The following SNAPC3 variants were observed in gnomAD, a reference collection of about 807,000 sequenced individuals.
SNAPC3 encodes small nuclear RNA activating complex polypeptide 3.
In SNAPC3, 56 loss-of-function variants were observed where a neutral mutation model predicts 47.7. The observed-to-expected ratio is 1.18, with a 90% CI of 0.95 to 1.47. SNAPC3 has a LOEUF of 1.47. Among genes scored for constraint, SNAPC3 ranks in the 40% most tolerant of loss-of-function variants. The pLI is 0.00. For synonymous variants in SNAPC3, 235 were observed against 189.9 expected, an observed-to-expected ratio of 1.24 and a Z score of -1.95; for missense variants, 665 against 511.3, an observed-to-expected ratio of 1.30 and a Z score of -2.90.
At chr9:15,461,707 C>T (rs1685984095), downstream of SNAPC3, 1 of 152,142 alleles carries the variant, frequency 6.6e-6, no homozygotes, top group South Asian at 2.1e-4. Context: ...CTGACGAAAC[C>T]TATAAGCCTA....
Position 15,442,651 on chromosome 9 carries a change from A to G in SNAPC3, c.478-1951A>G, listed in dbSNP as rs928192759. ...AGACGCTCCTCACTTCCTAGACGAG[A>G]TGGCGGCCAGGAAGAGACGCTCCGC... is the stretch of plus-strand genomic sequence containing the variant. On this transcript the variant is annotated intron_variant, in intron 3 of 8. Transcript: ENST00000380821. Among the ~76,000 whole-genome samples the G allele has an allele frequency of 1.2e-3, 177 of 149,738 alleles. 2 individuals carry two copies. Among genetic ancestry groups the G allele is most frequent in the Non-Finnish European group, 2.7e-4 (18 of 67,606 alleles).
rs187868386 is a variant in SNAPC3, at chr9:15,456,101, C to T, written c.981-1859C>T. ...GTTGGTCAGGCTGGTCTCGAACTCC[C>T]GACCTCAGGTGATCCGCCCACCTCA... On this transcript the variant is annotated intron_variant, in intron 7 of 8. Coordinates refer to ENST00000380821, the MANE Select transcript of SNAPC3 (RefSeq NM_001039697.2). Among the ~76,000 whole-genome samples the T allele has an allele frequency of 3.0e-3, 460 of 151,666 alleles. 13 individuals are homozygous for T. The highest frequency in any genetic ancestry group is 0.028 in the Admixed American group (425 of 15,234).
In SNAPC3 at chr9:15,433,487, G is replaced by A. The variant is rs981643647; in HGVS notation, c.393-65G>A. 7.0e-6 allele frequency: 7 copies of A among 1,000,628 alleles called. No homozygotes were observed. The Admixed American group carries it at 1.1e-4, about 15-fold the overall frequency. The allele number at this position is 1,000,628 out of a possible 1,614,324, so 62.0% of individuals were successfully genotyped here. On this transcript the variant is annotated intron_variant, in intron 2 of 8. Transcript: ENST00000380821. ...ATAAAAAAACTTGAATGTTAAATATGTTTTTGAAGCCCGAATAACAAATGT... is the reference window on the plus strand; with the variant it reads ...ATAAAAAAACTTGAATGTTAAATATATTTTTGAAGCCCGAATAACAAATGT...
chr9:15,437,309 T>A (rs1587246179), intron 3 of SNAPC3, among the ~76,000 whole-genome samples: 1 of 150,210 alleles, frequency 6.7e-6, no homozygotes, highest in East Asian at 2.0e-4. Context: ...CTTGGCTCAC[T>A]GCAACTTCCG....
At chr9:15,443,799 C>T (rs1359528471) in intron 3 of SNAPC3, among the ~76,000 whole-genome samples, 1 of 152,356 alleles carries the variant, frequency 6.6e-6, no homozygotes, top group East Asian at 1.9e-4. Flanking sequence ...AGCTGCCTGT[C>T]TCATCGGCGA....
At chr9:15,443,465 T>C (rs1243002975) in intron 3 of SNAPC3, among the ~76,000 whole-genome samples, 2 of 152,172 alleles carry the variant, frequency 1.3e-5, no homozygotes, top group East Asian at 1.9e-4. Flanking sequence ...CTGTGACTTT[T>C]CCAAACGATT....
downstream of SNAPC3, chr9:15,466,661 T>TTA (rs1326293032): frequency 1.6e-5 from 16 of 1,019,744 alleles, no homozygotes; most frequent in Admixed American, 5.8e-5. Flanking sequence ...TAACTGCTTA[T>TTA]TATAGTAAGA....
chr9:15,465,693 C>A, downstream of SNAPC3: 1 of 822,838 alleles, frequency 1.2e-6, no homozygotes, highest in Non-Finnish European at 1.9e-6. Flanking sequence ...TGAAACCAAC[C>A]AAACAAAAGA....
chr9:15,458,071 A>T lies in SNAPC3; in HGVS notation c.1088+4A>T. ...TTTGTAAAATGTATACAGCCAGGTG[A>T]GTGATAATGTATTTTTTTTTTTCTC... On this transcript the variant is annotated splice_donor_region_variant and intron_variant, in intron 8 of 8. Transcript: ENST00000380821. The T allele has an allele frequency of 2.1e-6, 3 of 1,432,336 alleles. No individual in the cohort carries two copies. Among genetic ancestry groups the T allele is most frequent in the Non-Finnish European group, 2.8e-6 (3 of 1,070,084 alleles). 88.7% of individuals were successfully genotyped at this position (1,432,336 alleles called of 1,614,324 possible).
At chr9:15,439,453 T>G (rs2033125756) in intron 3 of SNAPC3, among the ~76,000 whole-genome samples, 1 of 152,176 alleles carries the variant, frequency 6.6e-6, no homozygotes, top group East Asian at 1.9e-4. Flanking sequence ...ACTCTTAGGC[T>G]CAAGTAATAC....
At chr9:15,459,199 A>G (rs537626081) in intron 8 of SNAPC3, among the ~76,000 whole-genome samples, 16 of 152,362 alleles carry the variant, frequency 1.1e-4, no homozygotes, top group Non-Finnish European at 2.4e-4. Flanking sequence ...ATTTTGGTTG[A>G]ATAATGTTGC....
At chr9:15,437,378 G>A (rs1434339832) in intron 3 of SNAPC3, among the ~76,000 whole-genome samples, 2 of 151,894 alleles carry the variant, frequency 1.3e-5, no homozygotes, top group African/African-American at 2.4e-5. Flanking sequence ...GACTACAGGC[G>A]CCCATCACAA....
At chr9:15,458,189 A>C (rs770099081) in intron 8 of SNAPC3, 122 bp downstream of exon 8, 2 of 548,780 alleles carry the variant, frequency 3.6e-6, no homozygotes, top group Non-Finnish European at 6.3e-6. Flanking sequence ...AGTATCATCT[A>C]GTAGGGAAGT....
rs753648385 is a variant in SNAPC3, at chr9:15,433,482, AAT to A, written c.393-67_393-66del. On this transcript the variant is annotated intron_variant, in intron 2 of 8. Transcript: ENST00000380821. Reference sequence around the variant, plus strand: ...TCAAAATAAAAAAACTTGAATGTTAAATATGTTTTTGAAGCCCGAATAACAAA... The same window carrying A: ...TCAAAATAAAAAAACTTGAATGTTAAATGTTTTTGAAGCCCGAATAACAAA... 2.8e-5 allele frequency: 27 copies of A among 948,082 alleles called. 1 individual carries two copies. Among genetic ancestry groups the A allele is most frequent in the Middle Eastern group, 5.3e-4 (2 of 3,788 alleles). The allele number at this position is 948,082 out of a possible 1,614,324, so 58.7% of individuals were successfully genotyped here. A position where few individuals can be genotyped will look rare whatever the true frequency, so the allele number is the denominator to read the frequency against.
chr9:15,449,559 ATATATTTTT>A (rs1215089114), intron 5 of SNAPC3, among the ~76,000 whole-genome samples: 6 of 45,548 alleles, frequency 1.3e-4, no homozygotes, highest in African/African-American at 5.8e-4. Context: ...ATATATATAT[ATATATTTTT>A]TTTTTTTTTT....
intron 3 of SNAPC3, among the ~76,000 whole-genome samples, chr9:15,439,407 A>T (rs974537790): frequency 6.6e-6 from 1 of 152,076 alleles, no homozygotes; most frequent in Non-Finnish European, 1.5e-5. Context: ...TTGTTTTTAG[A>T]GGTGGGTCTT....
intron 3 of SNAPC3, among the ~76,000 whole-genome samples, chr9:15,435,978 G>A (rs1377122096): frequency 2.6e-5 from 4 of 151,460 alleles, no homozygotes; most frequent in Non-Finnish European, 5.9e-5. Context: ...CAAGTGGCTG[G>A]GATTACAGGT....
At chr9:15,445,075 C>T (rs552514655) in intron 4 of SNAPC3, among the ~76,000 whole-genome samples, 1 of 152,298 alleles carries the variant, frequency 6.6e-6, no homozygotes, top group Non-Finnish European at 1.5e-5. Context: ...GCCTAGGAGA[C>T]AGCGTGAGAC....
chr9:15,466,637 G>T, downstream of SNAPC3: 4 of 746,238 alleles, frequency 5.4e-6, no homozygotes, highest in Non-Finnish European at 6.2e-6. Flanking sequence ...TTCAGGAATT[G>T]GGTGATCAAA....
Sources: gnomAD v4.1 joint callset for allele counts (sites outside exome capture counted in the v4.1 genomes callset) on GRCh38, gnomAD v4.1.1 for gene constraint, MANE v1.5 for transcripts, NCBI Gene and HGNC (gene_info 2026-07-23, HGNC 2026-07-21) for gene names.